Variants in LRP11 observed in about 807,000 individuals in gnomAD.
LRP11 encodes low-density lipoprotein receptor-related protein 11.
In LRP11, 25 loss-of-function variants were observed where a neutral mutation model predicts 43.1. The ratio of observed to expected loss-of-function variants is 0.58; its 90% CI spans 0.42 to 0.81. The LOEUF is 0.81. Among genes scored for constraint, LRP11 ranks in the 30% least tolerant of loss-of-function variants. LRP11 has a pLI of 0.00. For synonymous variants in LRP11, 316 were observed against 299.4 expected, an observed-to-expected ratio of 1.06 and a Z score of -0.57; for missense variants, 623 against 665.1, an observed-to-expected ratio of 0.94 and a Z score of 0.70.
chr6:149,832,573 C>A (rs1776422054), intron 5 of LRP11, among the ~76,000 whole-genome samples: 1 of 151,292 alleles, frequency 6.6e-6, no homozygotes, highest in African/African-American at 2.4e-5. Flanking sequence ...ATTGTACTAG[C>A]TGATGGTCTT....
chr6:149,859,377 C>G (rs532180684), intron 1 of LRP11, among the ~76,000 whole-genome samples: 41 of 51,604 alleles, frequency 7.9e-4, no homozygotes, highest in Admixed American at 3.2e-3. Flanking sequence ...CTTGCTGACT[C>G]ATATATATAT....
rs1776973966 is a variant in LRP11 at position 149,863,599 on chromosome 6, GAGC to G, written c.419_421del (p.Cys140del). 6.9e-7 allele frequency: 1 copy of G among 1,450,980 alleles called. No homozygotes were observed. The highest frequency in any genetic ancestry group is 9.0e-7 in the Non-Finnish European group (1 of 1,108,520). The allele number at this position is 1,450,980 out of a possible 1,614,324, so 89.9% of individuals were successfully genotyped here. A position where few individuals can be genotyped will look rare whatever the true frequency, so the allele number is the denominator to read the frequency against. The stretch of plus-strand genomic sequence containing the variant: ...CCGGGGCAGCTCCACCACGGCCACG[GAGC>G]AGCGCGGCTCGGAGCAGCAGGCCGC... On this transcript the variant is annotated inframe_deletion, in exon 1 of 7. Coordinates refer to ENST00000239367, the MANE Select transcript of LRP11 (RefSeq NM_032832.6).
intron 6 of LRP11, 37 bp from the exon 7 acceptor site, chr6:149,820,740 G>A (rs755968633): frequency 2.6e-6 from 2 of 776,298 alleles, no homozygotes; most frequent in East Asian, 4.9e-5. Flanking sequence ...GCAAGCCAGT[G>A]ATTAGTCACA....
chr6:149,838,978 A>G (rs545021692), intron 3 of LRP11, among the ~76,000 whole-genome samples: 1 of 152,122 alleles, frequency 6.6e-6, no homozygotes, highest in African/African-American at 2.4e-5. Flanking sequence ...GTGGCAGATT[A>G]TATGATATTC....
intron 2 of LRP11, among the ~76,000 whole-genome samples, chr6:149,844,030 G>A (rs867941594): frequency 6.6e-5 from 10 of 152,116 alleles, no homozygotes; most frequent in African/African-American, 2.4e-4. Flanking sequence ...CAAGGCGGGC[G>A]GATGATGAGG....
chr6:149,853,223 G>T lies in LRP11; in HGVS notation c.614-63C>A, dbSNP rs1776749789. On this transcript the variant is annotated intron_variant, in intron 1 of 6. Coordinates refer to ENST00000239367, the MANE Select transcript of LRP11 (RefSeq NM_032832.6). ...CTTATTTTTTCTAATTTATGGAGAG[G>T]TATCTTGTTTGCTGAATAGATATGA... The T allele has an allele frequency of 4.4e-6, 6 of 1,372,878 alleles. No homozygotes were observed. In the Admixed American group the frequency reaches 1.3e-4, roughly 29 times the overall value. The allele number at this position is 1,372,878 out of a possible 1,614,324, so 85.0% of individuals were successfully genotyped here. A position where few individuals can be genotyped will look rare whatever the true frequency, so the allele number is the denominator to read the frequency against.
At position 149,820,632 on chromosome 6, in the gene LRP11, G is replaced by A. The variant is rs759108105; in HGVS notation, c.1420C>T (p.Arg474Ter). 13 of 780,958 alleles carry A rather than the reference G, an allele frequency of 1.7e-5. No homozygotes were observed. The Admixed American group carries it at 1.7e-4, about 10-fold the overall frequency. The allele number at this position is 780,958 out of a possible 1,614,324, so 48.4% of individuals were successfully genotyped here. The change falls in exon 7 of 7, where the codon CGA (arginine) becomes TGA (stop). Residue 474 changes from arginine to a stop codon, truncating the protein, a stop_gained. Transcript: ENST00000239367. LOFTEE classifies it high-confidence loss of function. ...TTTTTCAGTTTCTGTTTCACCAGTC[G>A]TAGTCGGCATGCAACCATGAGAAGC... ...LLLLMVACRL[R>*]LVKQKLKKAR...
At position 149,863,727 on chromosome 6, in the gene LRP11, G is replaced by A. The variant is rs1274889969; in HGVS notation, c.294C>T (p.Ser98=). The A allele has an allele frequency of 6.8e-7, 1 of 1,480,216 alleles. No individual in the cohort carries two copies. The highest frequency in any genetic ancestry group is 8.9e-7 in the Non-Finnish European group (1 of 1,122,198). 91.7% of individuals were successfully genotyped at this position (1,480,216 alleles called of 1,614,324 possible). ...TGCGGATGATGGCGTCAGGCATTGC[G>A]CTGTAGCCGCCGCTGCCCGGGCCCG... is the stretch of plus-strand genomic sequence containing the variant. ...DCPGPGSGGY[S]AMPDAIIRTK... Residue 98 remains serine, a synonymous_variant, in exon 1 of 7, where the codon AGC becomes AGT. Transcript: ENST00000239367.
intron 2 of LRP11, chr6:149,852,701 ATC>A (rs1352064599): frequency 3.7e-6 from 1 of 271,848 alleles, no homozygotes; most frequent in Non-Finnish European, 6.8e-6. Context: ...TAAAAAAGTA[ATC>A]TGAGTCATTA....
chr6:149,859,116 C>T (rs1241495441), intron 1 of LRP11, among the ~76,000 whole-genome samples: 2 of 151,926 alleles, frequency 1.3e-5, no homozygotes, highest in East Asian at 3.9e-4. Context: ...ATGGTCTCTG[C>T]CACATATTTC....
intron 3 of LRP11, chr6:149,842,725 AAGTCG>A (rs1352393078): frequency 6.5e-7 from 1 of 1,530,450 alleles, no homozygotes; most frequent in African/African-American, 1.4e-5. Context: ...GTCTTTGATG[AAGTCG>A]AGTCAAGAGA....
intron 4 of LRP11, 121 bp downstream of exon 4, chr6:149,837,217 A>G: frequency 9.2e-7 from 1 of 1,088,584 alleles, no homozygotes; most frequent in Admixed American, 2.6e-5. Flanking sequence ...TTTTACATGT[A>G]AAGTTATAAC....
intron 6 of LRP11, 29 bp from the exon 7 acceptor site, chr6:149,820,732 A>C (rs1182118296): frequency 1.3e-6 from 1 of 778,520 alleles, no homozygotes; most frequent in African/African-American, 1.7e-5. Flanking sequence ...TGAAGAGGGC[A>C]AGCCAGTGAT....
Position 149,820,054 on chromosome 6 carries a change from T to C in LRP11, c.*495A>G, listed in dbSNP as rs997971589. ...TATACCCACCCTAAGTAACATCTGA[T>C]TGAAGGCATGAACTTGCTTGAGATC... On this transcript the variant is annotated 3_prime_UTR_variant, in exon 7 of 7. Coordinates refer to ENST00000239367, the MANE Select transcript of LRP11 (RefSeq NM_032832.6). 1 of 154,292 alleles carries C rather than the reference T, an allele frequency of 6.5e-6. No individual in the cohort carries two copies. Among genetic ancestry groups the C allele is most frequent in the Non-Finnish European group, 1.4e-5 (1 of 69,524 alleles). 9.6% of individuals were successfully genotyped at this position (154,292 alleles called of 1,614,324 possible). A position where few individuals can be genotyped will look rare whatever the true frequency, so the allele number is the denominator to read the frequency against.
At chr6:149,854,644 T>A (rs1776772169) in intron 1 of LRP11, among the ~76,000 whole-genome samples, 1 of 152,158 alleles carries the variant, frequency 6.6e-6, no homozygotes, top group African/African-American at 2.4e-5. Flanking sequence ...ACTCTACAGG[T>A]TTGTGTACCA....
At chr6:149,862,229 G>C (rs900134995) in intron 1 of LRP11, among the ~76,000 whole-genome samples, 1 of 152,206 alleles carries the variant, frequency 6.6e-6, no homozygotes, top group Admixed American at 6.5e-5. Flanking sequence ...GAGGGAGGCA[G>C]GATGTGATGG....
At chr6:149,843,428 G>C (rs1316401926) in intron 2 of LRP11, among the ~76,000 whole-genome samples, 1 of 152,142 alleles carries the variant, frequency 6.6e-6, no homozygotes, top group Non-Finnish European at 1.5e-5. Flanking sequence ...TGCCGTCTCA[G>C]CAGGGGGACT....
rs140979648 is a variant in LRP11, at chr6:149,825,349, C to T, written c.1348+915G>A. Among the ~76,000 whole-genome samples the T allele has an allele frequency of 5.9e-3, 896 of 152,182 alleles. 7 individuals carry two copies. The highest frequency in any genetic ancestry group is 0.021 in the African/African-American group (855 of 41,530). On this transcript the variant is annotated intron_variant, in intron 6 of 6. Coordinates refer to ENST00000239367, the MANE Select transcript of LRP11 (RefSeq NM_032832.6). ...TTAGTAAATATTCTACTTCCTACAC[C>T]CTTCCCTCATTTCTGTTGTTTTCTG...
chr6:149,861,603 A>C (rs537211673), intron 1 of LRP11, among the ~76,000 whole-genome samples: 1 of 152,250 alleles, frequency 6.6e-6, no homozygotes, highest in African/African-American at 2.4e-5. Flanking sequence ...GACCTCCACC[A>C]CCACAGTTCA....
Sources: allele counts gnomAD v4.1 joint callset (sites outside exome capture counted in the v4.1 genomes callset), GRCh38; gene constraint gnomAD v4.1.1; transcripts MANE v1.5; gene names NCBI Gene and HGNC (gene_info 2026-07-23, HGNC 2026-07-21).